The following SYT1 variants were observed in gnomAD, a reference collection of about 807,000 sequenced individuals.
SYT1 encodes the protein synaptotagmin-1.
A neutral mutation model predicts 44.8 loss-of-function variants in SYT1; 8 were observed. The ratio of observed to expected loss-of-function variants is 0.18; its 90% CI spans 0.10 to 0.32. The LOEUF is 0.32. SYT1 is among the 10% of genes least tolerant of loss of function. The pLI is 1.00. For synonymous variants in SYT1, 154 were observed against 188.8 expected (o/e 0.82, Z 1.51); for missense variants, 286 against 509.3 (o/e 0.56, Z 4.22).
At chr12:79,202,003 G>T (rs747577592) in intron 3 of SYT1, among the ~76,000 whole-genome samples, 3 of 152,106 alleles carry the variant, frequency 2.0e-5, no homozygotes, top group African/African-American at 2.4e-5. Flanking sequence ...TGAAATTATA[G>T]TATCTATAAT....
intron 8 of SYT1, among the ~76,000 whole-genome samples, chr12:79,326,448 C>T (rs1176870307): frequency 6.6e-6 from 1 of 152,218 alleles, no homozygotes; most frequent in East Asian, 1.9e-4. Context: ...GAGCAGCCAG[C>T]TGCAAGCATT....
chr12:79,134,124 C>T (rs1869031246), intron 3 of SYT1, among the ~76,000 whole-genome samples: 2 of 152,108 alleles, frequency 1.3e-5, no homozygotes, highest in Admixed American at 6.5e-5. Context: ...GGGTGTCAAA[C>T]CAAATCTGCC....
chr12:78,990,559 C>T (rs1869950144), intron 2 of SYT1, among the ~76,000 whole-genome samples: 1 of 152,062 alleles, frequency 6.6e-6, no homozygotes, highest in South Asian at 2.1e-4. Context: ...TCTGTGTCTG[C>T]CATATCACAC....
chr12:79,370,147 G>T (rs1440230288), intron 9 of SYT1, among the ~76,000 whole-genome samples: 2 of 152,092 alleles, frequency 1.3e-5, no homozygotes, highest in African/African-American at 4.8e-5. Flanking sequence ...GAGAGATCTG[G>T]AATATTGCAT....
At chr12:79,431,886 CCTT>C (rs1022151308) in intron 9 of SYT1, among the ~76,000 whole-genome samples, 18 of 152,118 alleles carry the variant, frequency 1.2e-4, no homozygotes, top group African/African-American at 2.4e-5. Context: ...TTTATTTTCT[CCTT>C]CTAATATTGT....
intron 9 of SYT1, among the ~76,000 whole-genome samples, chr12:79,439,253 A>G (rs1444311000): frequency 6.6e-6 from 1 of 152,150 alleles, no homozygotes; most frequent in East Asian, 1.9e-4. Flanking sequence ...TCTGAGTTTA[A>G]CTTTTCAGCT....
chr12:78,932,586 G>A (rs1877815547), intron 1 of SYT1, among the ~76,000 whole-genome samples: 1 of 152,118 alleles, frequency 6.6e-6, no homozygotes, highest in South Asian at 2.1e-4. Flanking sequence ...TATCTGAAAT[G>A]TTTAAAATTT....
intron 4 of SYT1, among the ~76,000 whole-genome samples, chr12:79,239,983 T>C (rs1358143887): frequency 6.6e-6 from 1 of 152,140 alleles, no homozygotes; most frequent in Non-Finnish European, 1.5e-5. Flanking sequence ...CCCAGGACAG[T>C]CTCCCTTTTG....
At chr12:78,884,289 T>G (rs1304967221) in intron 1 of SYT1, among the ~76,000 whole-genome samples, 1 of 151,620 alleles carries the variant, frequency 6.6e-6, no homozygotes, top group Non-Finnish European at 1.5e-5. Context: ...AAATGTATAG[T>G]TATATATTTT....
At chr12:79,151,740 A>T (rs1050195027) in intron 3 of SYT1, among the ~76,000 whole-genome samples, 1 of 152,164 alleles carries the variant, frequency 6.6e-6, no homozygotes, top group African/African-American at 2.4e-5. Flanking sequence ...TGGTGAAGTA[A>T]AAACAAACCT....
At chr12:79,144,794 A>G (rs961498054) in intron 3 of SYT1, among the ~76,000 whole-genome samples, 1 of 152,200 alleles carries the variant, frequency 6.6e-6, no homozygotes, top group Non-Finnish European at 1.5e-5. Context: ...TCAGGGGAGA[A>G]ATACTCTTGA....
At chr12:79,221,594 C>A (rs962215143) in intron 4 of SYT1, among the ~76,000 whole-genome samples, 3 of 151,980 alleles carry the variant, frequency 2.0e-5, no homozygotes, top group African/African-American at 7.2e-5. Context: ...TATGTGGTTA[C>A]CATGAGGTTT....
chr12:79,266,902 C>T (rs916089608), intron 4 of SYT1, among the ~76,000 whole-genome samples: 5 of 152,148 alleles, frequency 3.3e-5, no homozygotes, highest in African/African-American at 1.2e-4. Flanking sequence ...CTGTTGCCTA[C>T]CTGTCACTTT....
At chr12:79,338,737 T>C (rs1247794075) in intron 8 of SYT1, among the ~76,000 whole-genome samples, 2 of 148,362 alleles carry the variant, frequency 1.3e-5, no homozygotes, top group African/African-American at 2.5e-5. Flanking sequence ...TTGTTACATA[T>C]GTATACATGT....
At chr12:78,971,747 G>A (rs1346164453) in intron 1 of SYT1, among the ~76,000 whole-genome samples, 1 of 152,076 alleles carries the variant, frequency 6.6e-6, no homozygotes, top group Non-Finnish European at 1.5e-5. Context: ...ATATATTATA[G>A]CAGAGGCAAT....
chr12:79,206,178 A>T (rs1324312577), intron 3 of SYT1, among the ~76,000 whole-genome samples: 2 of 152,238 alleles, frequency 1.3e-5, no homozygotes, highest in East Asian at 3.8e-4. Flanking sequence ...TGGTTAATGA[A>T]TTTCTAAAAT....
chr12:79,257,504 G>A (rs575047742), intron 4 of SYT1, among the ~76,000 whole-genome samples: 1 of 152,116 alleles, frequency 6.6e-6, no homozygotes, highest in East Asian at 1.9e-4. Flanking sequence ...TTTTTGAGAC[G>A]GAGTCTCGCT....
At chr12:79,047,763 T>C (rs1874179976) in intron 3 of SYT1, among the ~76,000 whole-genome samples, 1 of 151,932 alleles carries the variant, frequency 6.6e-6, no homozygotes, top group African/African-American at 2.4e-5. Flanking sequence ...GCTTGGTTTA[T>C]TTATAATCAC....
chr12:79,367,492 A>G (rs1043170727), intron 9 of SYT1, among the ~76,000 whole-genome samples: 3 of 152,172 alleles, frequency 2.0e-5, no homozygotes, highest in Non-Finnish European at 2.9e-5. Flanking sequence ...TCAAGGTTTC[A>G]TCTTTCACCT....
Sources: gnomAD v4.1 joint callset for allele counts (sites outside exome capture counted in the v4.1 genomes callset) on GRCh38, gnomAD v4.1.1 for gene constraint, MANE v1.5 for transcripts, NCBI Gene and HGNC (gene_info 2026-07-23, HGNC 2026-07-21) for gene names.